Variants in PAK5 observed in about 807,000 individuals in gnomAD.
The protein encoded by PAK5 is p21 (RAC1) activated kinase 5.
PAK5 carries 16 observed loss-of-function variants against 65.9 expected under a neutral mutation model. The ratio of observed to expected loss-of-function variants is 0.24; its 90% CI spans 0.16 to 0.37. PAK5 has a LOEUF of 0.37. Ranked by LOEUF, PAK5 falls within the 10% of genes least tolerant of loss-of-function variation. The pLI, the probability that PAK5 is intolerant of heterozygous loss-of-function variation, is 1.00. For synonymous variants in PAK5, 371 were observed against 354.9 expected (o/e 1.05, Z -0.51); for missense variants, 785 against 903.9 (o/e 0.87, Z 1.69).
chr20:9,688,519 C>T (rs2047750627), intron 2 of PAK5, among the ~76,000 whole-genome samples: 1 of 151,924 alleles, frequency 6.6e-6, no homozygotes, highest in Non-Finnish European at 1.5e-5. Context: ...ACAAGGCTCC[C>T]CTGCTTGGGG....
rs528105850 is a variant in PAK5 at position 9,679,796 on chromosome 20, G to A, written c.-12+31490C>T. Among the ~76,000 whole-genome samples, 19 of 152,296 alleles carry A rather than the reference G, an allele frequency of 1.2e-4. No homozygotes were observed. In the East Asian group the frequency reaches 3.7e-3, roughly 29 times the overall value. The stretch of plus-strand genomic sequence containing the variant: ...TCAAATAAAATCCCAACAGAACAAA[G>A]CATGTCTTCATGTAATAAACAGGGC... On this transcript the variant is annotated intron_variant, in intron 2 of 9. Coordinates refer to ENST00000353224, the MANE Select transcript of PAK5 (RefSeq NM_177990.4).
rs1460802526 is a variant in PAK5, at chr20:9,580,160, T to A, written c.975A>T (p.Thr325=). ...CAAACGTTACCTTTGGAATGCACAT[T>A]GTGGGCTCGGACAAGCGAGGGTAGG... ...SYTYPRLSEP[T]MCIPKVDYDR... is the part of the protein sequence containing the mutation. Residue 325 remains threonine, a synonymous_variant, in exon 4 of 10, where the codon ACA becomes ACT. Coordinates refer to ENST00000353224, the MANE Select transcript of PAK5 (RefSeq NM_177990.4). The A allele has an allele frequency of 1.3e-6, 2 of 1,596,774 alleles. No homozygotes were observed. The highest frequency in any genetic ancestry group is 1.7e-6 in the Non-Finnish European group (2 of 1,169,206).
intron 4 of PAK5, among the ~76,000 whole-genome samples, chr20:9,567,946 A>T (rs766475967): frequency 2.0e-5 from 3 of 152,090 alleles, no homozygotes; most frequent in Non-Finnish European, 4.4e-5. Context: ...AAAAAGCAAG[A>T]TCCCTTTCCT....
intron 1 of PAK5, among the ~76,000 whole-genome samples, chr20:9,730,047 A>G (rs28366762): frequency 2.1e-5 from 3 of 142,434 alleles, no homozygotes; most frequent in Non-Finnish European, 3.0e-5. Flanking sequence ...TCTCGAAAAA[A>G]AAAAAAGAGA....
chr20:9,585,421 CT>C (rs1342071531), intron 3 of PAK5, among the ~76,000 whole-genome samples: 1 of 152,166 alleles, frequency 6.6e-6, no homozygotes, highest in Non-Finnish European at 1.5e-5. Context: ...GCTTTAGACT[CT>C]TTTAGGCTAA....
intron 2 of PAK5, among the ~76,000 whole-genome samples, chr20:9,656,127 G>C (rs1287083462): frequency 6.6e-6 from 1 of 152,142 alleles, no homozygotes; most frequent in African/African-American, 2.4e-5. Context: ...TTGGCTTTCA[G>C]AAAGCCTAGA....
intron 3 of PAK5, among the ~76,000 whole-genome samples, chr20:9,608,633 C>T (rs2046500152): frequency 1.3e-5 from 2 of 152,234 alleles, no homozygotes; most frequent in South Asian, 4.1e-4. Context: ...TCTGCATGAG[C>T]AGACAGGGTA....
rs1463984671 is a variant in PAK5, at chr20:9,566,070, G to A, written c.1305C>T (p.Ala435=). 7.4e-6 allele frequency: 12 copies of A among 1,613,754 alleles called. No homozygotes were observed. Among genetic ancestry groups the A allele is most frequent in the Non-Finnish European group, 1.0e-5 (12 of 1,179,968 alleles). ...CTCCTGGGCTGACCACCAGCTGCAGGGCCGCCCGAAACTGTTCATGGGACA... is the reference window on the plus strand; with the variant it reads ...CTCCTGGGCTGACCACCAGCTGCAGAGCCGCCCGAAACTGTTCATGGGACA... The part of the protein sequence containing the change: ...SRVSHEQFRA[A]LQLVVSPGDP... The change falls in exon 5 of 10, where the codon GCC becomes GCT. Residue 435 remains alanine, a synonymous_variant. Transcript: ENST00000353224.
chr20:9,566,231 AGGT>A lies in PAK5; in HGVS notation c.1141_1143del (p.Thr381del). The stretch of plus-strand genomic sequence containing the variant: ...CTCTGCAGGGAGGGGTGATGGTACA[AGGT>A]GGCTTTGTGGTACCCAGACGGGTAC... On this transcript the variant is annotated inframe_deletion, in exon 5 of 10. Coordinates refer to ENST00000353224, the MANE Select transcript of PAK5 (RefSeq NM_177990.4). 6.2e-7 allele frequency: 1 copy of A among 1,613,896 alleles called. No individual in the cohort carries two copies. The highest frequency in any genetic ancestry group is 8.5e-7 in the Non-Finnish European group (1 of 1,179,976).
At chr20:9,638,175 A>G (rs575460727) in intron 3 of PAK5, among the ~76,000 whole-genome samples, 2 of 152,376 alleles carry the variant, frequency 1.3e-5, no homozygotes, top group East Asian at 1.9e-4. Flanking sequence ...AAATACGACC[A>G]TTCAACCTGC....
intron 3 of PAK5, among the ~76,000 whole-genome samples, chr20:9,632,462 T>G (rs2046934741): frequency 6.6e-6 from 1 of 152,220 alleles, no homozygotes; most frequent in Admixed American, 6.5e-5. Flanking sequence ...CTAACTCACT[T>G]GAGAAGACTG....
intron 9 of PAK5, among the ~76,000 whole-genome samples, chr20:9,541,809 C>A (rs1330047777): frequency 1.3e-5 from 2 of 152,062 alleles, no homozygotes; most frequent in Non-Finnish European, 2.9e-5. Flanking sequence ...GGCAGTTTAC[C>A]CCATGTTATT....
chr20:9,662,192 T>C (rs114356227), intron 2 of PAK5, among the ~76,000 whole-genome samples: 1 of 152,326 alleles, frequency 6.6e-6, no homozygotes, highest in African/African-American at 2.4e-5. Flanking sequence ...TGGGAGTTAA[T>C]AACACTTGCA....
At chr20:9,711,692 T>C (rs1045008414) in intron 1 of PAK5, among the ~76,000 whole-genome samples, 4 of 152,186 alleles carry the variant, frequency 2.6e-5, no homozygotes, top group African/African-American at 9.6e-5. Context: ...AATTATTCTA[T>C]TACAAATCCA....
intron 3 of PAK5, among the ~76,000 whole-genome samples, chr20:9,616,260 C>T (rs1444329980): frequency 6.6e-6 from 1 of 152,198 alleles, no homozygotes; most frequent in Admixed American, 6.5e-5. Context: ...CCCACAACAA[C>T]TTCCTGAATT....
chr20:9,714,164 C>A (rs940620897), intron 1 of PAK5, among the ~76,000 whole-genome samples: 8 of 151,962 alleles, frequency 5.3e-5, no homozygotes, highest in African/African-American at 1.9e-4. Context: ...AATGAAATCC[C>A]AGAGCCCGGG....
chr20:9,680,217 T>C (rs2047631162), intron 2 of PAK5, among the ~76,000 whole-genome samples: 1 of 152,134 alleles, frequency 6.6e-6, no homozygotes, highest in Admixed American at 6.6e-5. Context: ...GTCTCTACCA[T>C]CAAAATGCTC....
intron 2 of PAK5, among the ~76,000 whole-genome samples, chr20:9,665,710 C>T (rs1395163996): frequency 6.6e-6 from 1 of 150,440 alleles, no homozygotes; most frequent in Non-Finnish European, 1.5e-5. Flanking sequence ...CAAAAGCTGA[C>T]CTTGAACTTC....
intron 4 of PAK5, among the ~76,000 whole-genome samples, chr20:9,571,380 C>A (rs1051900744): frequency 3.9e-5 from 6 of 152,216 alleles, no homozygotes; most frequent in Admixed American, 3.9e-4. Flanking sequence ...CAGGGGGCAA[C>A]TGAATCCCAT....
Sources: allele counts gnomAD v4.1 joint callset (sites outside exome capture counted in the v4.1 genomes callset), GRCh38; gene constraint gnomAD v4.1.1; transcripts MANE v1.5; gene names NCBI Gene and HGNC (gene_info 2026-07-23, HGNC 2026-07-21).